The following PEBP4 variants were observed in gnomAD, a reference collection of about 807,000 sequenced individuals.
PEBP4 encodes phosphatidylethanolamine-binding protein 4.
Under a neutral mutation model 23.9 loss-of-function variants are expected in PEBP4, and 22 were observed. The ratio of observed to expected loss-of-function variants is 0.92; its 90% CI spans 0.66 to 1.31. The LOEUF is 1.31. Ranked by LOEUF, PEBP4 falls within the 40% of genes most tolerant of loss-of-function variation. The pLI is 0.00. For synonymous variants in PEBP4, 112 were observed against 99.3 expected (o/e 1.13, Z -0.76); for missense variants, 324 against 281.7 (o/e 1.15, Z -1.07).
Position 22,713,373 on chromosome 8 carries a change from G to T in PEBP4, c.681C>A (p.Cys227Ter), listed in dbSNP as rs1456554116. 1 of 1,585,132 alleles carries T rather than the reference G, an allele frequency of 6.3e-7. No homozygotes were observed. Among genetic ancestry groups the T allele is most frequent in the Non-Finnish European group, 8.6e-7 (1 of 1,166,798 alleles). Residue 227 changes from cysteine (C) to a stop codon, truncating the protein, a stop_gained, in exon 7 of 7, where the codon TGC (cysteine) becomes TGA (stop). Transcript: ENST00000256404. LOFTEE classifies it high-confidence loss of function. ...CCCGGATGGCAAAGCCGGCTATCTA[G>T]CAGGCAGCTATCTCCGCCTGGTTTT... The part of the protein sequence containing the change: ...KHKNQAEIAA[C>*]
intron 2 of PEBP4, among the ~76,000 whole-genome samples, chr8:22,922,779 G>T (rs535855500): frequency 1.7e-3 from 254 of 148,572 alleles, no homozygotes; most frequent in African/African-American, 6.2e-3. Flanking sequence ...CTTCCTGTGT[G>T]CCCTTGCTGC....
intron 4 of PEBP4, among the ~76,000 whole-genome samples, chr8:22,779,790 C>T (rs1421633948): frequency 1.3e-5 from 2 of 152,162 alleles, no homozygotes; most frequent in African/African-American, 4.8e-5. Flanking sequence ...AAGTGATTGG[C>T]TATTTTTATT....
intron 3 of PEBP4, among the ~76,000 whole-genome samples, chr8:22,892,850 C>A (rs1366144235): frequency 6.6e-6 from 1 of 152,210 alleles, no homozygotes; most frequent in Non-Finnish European, 1.5e-5. Context: ...ATCACCCCAA[C>A]TTACTGCCTG....
intron 3 of PEBP4, among the ~76,000 whole-genome samples, chr8:22,844,762 GC>G (rs924577835): frequency 6.6e-6 from 1 of 152,134 alleles, no homozygotes; most frequent in Non-Finnish European, 1.5e-5. Context: ...TTACTGCTTT[GC>G]CCCCAGCCAG....
intron 3 of PEBP4, among the ~76,000 whole-genome samples, chr8:22,901,171 C>T (rs1303696414): frequency 6.6e-6 from 1 of 152,142 alleles, no homozygotes; most frequent in Non-Finnish European, 1.5e-5. Context: ...ACAGGCCTGG[C>T]TCCAGAGAAA....
chr8:22,791,935 C>A (rs536962561), intron 4 of PEBP4, among the ~76,000 whole-genome samples: 1 of 151,954 alleles, frequency 6.6e-6, no homozygotes, highest in Non-Finnish European at 1.5e-5. Context: ...TGGCTCACTG[C>A]AGCCTTGAAC....
At chr8:22,908,006 C>A (rs550317287) in intron 3 of PEBP4, among the ~76,000 whole-genome samples, 1 of 139,718 alleles carries the variant, frequency 7.2e-6, no homozygotes, top group Non-Finnish European at 1.6e-5. Context: ...GAGTGGGACC[C>A]TGTCTCAAAA....
chr8:22,849,393 G>C (rs183294500), intron 3 of PEBP4, among the ~76,000 whole-genome samples: 1 of 152,214 alleles, frequency 6.6e-6, no homozygotes, highest in Non-Finnish European at 1.5e-5. Flanking sequence ...GAAGTGGGGC[G>C]TCCCACTGCA....
intron 3 of PEBP4, among the ~76,000 whole-genome samples, chr8:22,850,636 C>G (rs1483262998): frequency 6.6e-6 from 1 of 152,162 alleles, no homozygotes; most frequent in Non-Finnish European, 1.5e-5. Context: ...TCTGTGGAAC[C>G]TGCCATTTGT....
chr8:22,730,575 G>A (rs1190825497), intron 4 of PEBP4, among the ~76,000 whole-genome samples: 1 of 152,158 alleles, frequency 6.6e-6, no homozygotes, highest in Non-Finnish European at 1.5e-5. Context: ...TCTAGCCTGC[G>A]ATCACCCTAG....
intron 5 of PEBP4, among the ~76,000 whole-genome samples, chr8:22,726,108 G>A (rs1265462194): frequency 1.3e-5 from 2 of 152,070 alleles, no homozygotes; most frequent in African/African-American, 4.8e-5. Flanking sequence ...GTCCCACTCG[G>A]GGTGGGTGTG....
rs111548827 is a variant in PEBP4 at position 22,805,322 on chromosome 8, G to GTGTTT, written c.357+12310_357+12314dup. Among the ~76,000 whole-genome samples the GTGTTT allele has an allele frequency of 9.0e-3, 1,372 of 152,194 alleles. 18 individuals carry two copies. Among genetic ancestry groups the GTGTTT allele is most frequent in the African/African-American group, 0.031 (1,293 of 41,526 alleles). ...AGGTTCACGGATTGTTAGCAATCGC[G>GTGTTT]TGTTTTGTTTTGTTTTGTTTTGAGA... is the stretch of plus-strand genomic sequence containing the variant. On this transcript the variant is annotated intron_variant, in intron 4 of 6. Transcript: ENST00000256404.
At chr8:22,855,537 G>A (rs755241183) in intron 3 of PEBP4, among the ~76,000 whole-genome samples, 10 of 152,152 alleles carry the variant, frequency 6.6e-5, no homozygotes, top group Non-Finnish European at 1.5e-4. Context: ...CCTTTTGGAG[G>A]CTGTGCACCC....
intron 6 of PEBP4, among the ~76,000 whole-genome samples, chr8:22,714,274 G>A (rs550049717): frequency 6.6e-6 from 1 of 152,308 alleles, no homozygotes; most frequent in African/African-American, 2.4e-5. Context: ...GGCAAGAAGG[G>A]CACAGCCTGG....
rs1463464776 is a variant in PEBP4 at position 22,786,430 on chromosome 8, A to G, written c.357+31207T>C. Among the ~76,000 whole-genome samples, 3 of 151,962 alleles carry G rather than the reference A, an allele frequency of 2.0e-5. No homozygotes were observed. The East Asian group carries it at 5.8e-4, about 29-fold the overall frequency. On this transcript the variant is annotated intron_variant, in intron 4 of 6. Coordinates refer to ENST00000256404, the MANE Select transcript of PEBP4 (RefSeq NM_144962.3). ...CCTGAATAGCTGGGACTACAGTTGC[A>G]CGCCACCATGTCCGGCAATTTTTTT...
chr8:22,860,116 C>T (rs1247664544), intron 3 of PEBP4, among the ~76,000 whole-genome samples: 2 of 91,084 alleles, frequency 2.2e-5, no homozygotes, highest in African/African-American at 9.3e-5. Context: ...GACTCCGTCT[C>T]AAAAAAAAAA....
chr8:22,782,791 G>A (rs914358604), intron 4 of PEBP4, among the ~76,000 whole-genome samples: 4 of 152,172 alleles, frequency 2.6e-5, no homozygotes, highest in Admixed American at 1.3e-4. Context: ...CCCAGGTTTG[G>A]AGGCAGCACG....
chr8:22,832,193 T>C (rs1207994696), intron 3 of PEBP4, among the ~76,000 whole-genome samples: 3 of 152,166 alleles, frequency 2.0e-5, no homozygotes, highest in South Asian at 2.1e-4. Context: ...AGGGGCTGCA[T>C]GTTTGCAACT....
chr8:22,815,730 G>T (rs1278201960), intron 4 of PEBP4, among the ~76,000 whole-genome samples: 1 of 152,208 alleles, frequency 6.6e-6, no homozygotes, highest in Non-Finnish European at 1.5e-5. Context: ...CCGGACAGCT[G>T]CCACCTGTCA....
Sources: gnomAD v4.1 joint callset for allele counts (sites outside exome capture counted in the v4.1 genomes callset) on GRCh38, gnomAD v4.1.1 for gene constraint, MANE v1.5 for transcripts, NCBI Gene and HGNC (gene_info 2026-07-23, HGNC 2026-07-21) for gene names.